Variants in ZBTB20 observed in about 807,000 individuals in gnomAD.
ZBTB20 encodes zinc finger and BTB domain containing 20, also known as zinc finger and BTB domain-containing protein 20.
In ZBTB20, 9 loss-of-function variants were observed where a neutral mutation model predicts 56.9. The ratio of observed to expected loss-of-function variants is 0.16; its 90% CI spans 0.10 to 0.28. The LOEUF (loss-of-function observed/expected upper bound fraction) is 0.28. Among genes scored for constraint, ZBTB20 ranks in the 10% least tolerant of loss-of-function variants. ZBTB20 has a pLI of 1.00. For synonymous variants in ZBTB20, 417 were observed against 420.7 expected (o/e 0.99, Z 0.11); for missense variants, 655 against 1,003.0 (o/e 0.65, Z 4.69).
At chr3:114,893,940 A>T (rs2074749363) in intron 4 of ZBTB20, among the ~76,000 whole-genome samples, 1 of 152,208 alleles carries the variant, frequency 6.6e-6, no homozygotes, top group Non-Finnish European at 1.5e-5. Flanking sequence ...TCAGTAAAAA[A>T]TTCAGGAGTA....
At chr3:114,464,300 T>C (rs532550641) in intron 7 of ZBTB20, among the ~76,000 whole-genome samples, 2 of 152,342 alleles carry the variant, frequency 1.3e-5, no homozygotes, top group South Asian at 4.1e-4. Flanking sequence ...CCACTTATTT[T>C]TCCTGTGTGA....
At chr3:114,859,721 T>C (rs546976198) in intron 4 of ZBTB20, among the ~76,000 whole-genome samples, 12 of 152,086 alleles carry the variant, frequency 7.9e-5, no homozygotes, top group African/African-American at 1.4e-4. Flanking sequence ...CAATAGCTAG[T>C]GAAGAAATAC....
At chr3:114,975,323 CCA>C (rs1374719889) in intron 2 of ZBTB20, among the ~76,000 whole-genome samples, 1 of 152,080 alleles carries the variant, frequency 6.6e-6, no homozygotes, top group African/African-American at 2.4e-5. Flanking sequence ...CTAATAATCT[CCA>C]CAGAGATTTA....
At chr3:115,048,154 G>A (rs2042578338) in intron 2 of ZBTB20, among the ~76,000 whole-genome samples, 1 of 152,174 alleles carries the variant, frequency 6.6e-6, no homozygotes, top group South Asian at 2.1e-4. Flanking sequence ...GAACCCGGGA[G>A]GCGGAGCTTG....
intron 7 of ZBTB20, among the ~76,000 whole-genome samples, chr3:114,444,036 A>G (rs1576787972): frequency 6.6e-6 from 1 of 152,200 alleles, no homozygotes; most frequent in East Asian, 1.9e-4. Flanking sequence ...TGGGAATACT[A>G]GGAGAAAAGG....
intron 2 of ZBTB20, among the ~76,000 whole-genome samples, chr3:114,978,193 CAATAG>C (rs2078183095): frequency 6.7e-6 from 1 of 150,192 alleles, no homozygotes; most frequent in Admixed American, 6.6e-5. Flanking sequence ...AGGCAATTCA[CAATAG>C]AATTGTGAGT....
chr3:114,753,425 A>ATATACACACG, intron 5 of ZBTB20, among the ~76,000 whole-genome samples: 1 of 143,158 alleles, frequency 7.0e-6, no homozygotes, highest in Non-Finnish European at 1.5e-5. Flanking sequence ...ATATATATAT[A>ATATACACACG]TATATATACA....
chr3:114,350,680 G>A lies in ZBTB20; in HGVS notation c.1398C>T (p.Ile466=), dbSNP rs770686482. 9.9e-6 allele frequency: 16 copies of A among 1,614,088 alleles called. 1 individual carries two copies. In the East Asian group the frequency reaches 3.3e-4, roughly 34 times the overall value. Residue 466 remains isoleucine, a synonymous_variant, in exon 11 of 12, where the codon ATC becomes ATT. Coordinates refer to ENST00000675478, the MANE Select transcript of ZBTB20 (RefSeq NM_001348800.3). ...GCTGGGTACTTGGCAATGGCTGCCCGATGGACGTGTTGACCGAAGGCTGTT... is the reference window on the plus strand; with the variant it reads ...GCTGGGTACTTGGCAATGGCTGCCCAATGGACGTGTTGACCGAAGGCTGTT... ...VLQQPSVNTS[I]GQPLPSTQLY...
intron 7 of ZBTB20, among the ~76,000 whole-genome samples, chr3:114,393,790 C>T (rs2086096898): frequency 6.6e-6 from 1 of 152,184 alleles, no homozygotes; most frequent in African/African-American, 2.4e-5. Context: ...CTTACATCAT[C>T]ACTGTAATAA....
chr3:114,772,208 G>A (rs1390858581), intron 5 of ZBTB20, among the ~76,000 whole-genome samples: 8 of 152,054 alleles, frequency 5.3e-5, no homozygotes, highest in Non-Finnish European at 8.8e-5. Context: ...GGGCATGGTG[G>A]CACACACCTG....
chr3:114,423,462 T>G (rs867331133), intron 7 of ZBTB20, among the ~76,000 whole-genome samples: 4 of 152,204 alleles, frequency 2.6e-5, no homozygotes, highest in African/African-American at 9.7e-5. Context: ...GTTCCATACT[T>G]AATGGAAATG....
intron 6 of ZBTB20, among the ~76,000 whole-genome samples, chr3:114,580,371 A>G (rs2107475083): frequency 6.6e-6 from 1 of 151,858 alleles, no homozygotes; most frequent in East Asian, 1.9e-4. Context: ...CCTTAATACA[A>G]TAATTTCGAT....
chr3:114,785,998 T>C (rs1446290355), intron 5 of ZBTB20, among the ~76,000 whole-genome samples: 1 of 152,182 alleles, frequency 6.6e-6, no homozygotes, highest in Non-Finnish European at 1.5e-5. Flanking sequence ...TACTTTTTTT[T>C]TCTTAATTTA....
At chr3:114,446,835 A>C (rs988223714) in intron 7 of ZBTB20, among the ~76,000 whole-genome samples, 8 of 152,188 alleles carry the variant, frequency 5.3e-5, no homozygotes, top group Non-Finnish European at 8.8e-5. Flanking sequence ...TCTTTTAAAA[A>C]TGCTATTTCT....
chr3:114,704,839 T>C (rs1346542758), intron 5 of ZBTB20, among the ~76,000 whole-genome samples: 2 of 152,172 alleles, frequency 1.3e-5, no homozygotes, highest in African/African-American at 4.8e-5. Context: ...TCTACTACTA[T>C]GCTGAATTGA....
rs2089686537 is a variant in ZBTB20, at chr3:114,426,498, C to T, written c.-254-37393G>A. ...ATAGACTCCCAGCACTGAAAGCCCC[C>T]TCCCTGTAGGTCTGCTTGTCTAACC... On this transcript the variant is annotated intron_variant, in intron 7 of 11. Coordinates refer to ENST00000675478, the MANE Select transcript of ZBTB20 (RefSeq NM_001348800.3). 3.3e-5 allele frequency among the ~76,000 whole-genome samples: 5 copies of T among 152,124 alleles called. 1 individual carries two copies. The South Asian group carries it at 6.2e-4, about 19-fold the overall frequency.
At chr3:114,766,521 G>GTGTGTGTA (rs2068804544) in intron 5 of ZBTB20, among the ~76,000 whole-genome samples, 1 of 151,414 alleles carries the variant, frequency 6.6e-6, no homozygotes, top group African/African-American at 2.4e-5. Context: ...GTGTGTGTGT[G>GTGTGTGTA]TGTGTGTGTA....
At chr3:114,528,473 C>T (rs894570494) in intron 6 of ZBTB20, among the ~76,000 whole-genome samples, 109 of 152,054 alleles carry the variant, frequency 7.2e-4, no homozygotes, top group African/African-American at 2.4e-3. Flanking sequence ...GAAATATGGG[C>T]TATATTGAAT....
chr3:114,772,198 G>A (rs1033117503), intron 5 of ZBTB20, among the ~76,000 whole-genome samples: 7 of 151,922 alleles, frequency 4.6e-5, no homozygotes, highest in Admixed American at 2.0e-4. Context: ...AAAAGTAACC[G>A]GGCATGGTGG....
Sources: gnomAD v4.1 joint callset for allele counts (sites outside exome capture counted in the v4.1 genomes callset) on GRCh38, gnomAD v4.1.1 for gene constraint, MANE v1.5 for transcripts, NCBI Gene and HGNC (gene_info 2026-07-23, HGNC 2026-07-21) for gene names.